The following TMEM106C variants were observed in gnomAD, a reference collection of about 807,000 sequenced individuals.
TMEM106C encodes transmembrane protein 106C, also known as endoplasmic reticulum membrane protein overexpressed in cancer.
Under a neutral mutation model 30.8 loss-of-function variants are expected in TMEM106C, and 27 were observed. That is an observed-to-expected ratio of 0.88 (90% CI 0.65 to 1.21). TMEM106C has a LOEUF of 1.21. TMEM106C is among the 50% of genes most tolerant of loss of function. TMEM106C has a pLI of 0.00. For synonymous variants in TMEM106C, 123 were observed against 118.8 expected (o/e 1.04, Z -0.23); for missense variants, 288 against 307.8 (o/e 0.94, Z 0.48).
chr12:47,964,457 C>T (rs767190498), intron 2 of TMEM106C, 34 bp downstream of exon 2: 9 of 1,605,028 alleles, frequency 5.6e-6, no homozygotes, highest in South Asian at 3.3e-5. Context: ...TGATGAGAAT[C>T]CCAAGGTACC....
chr12:47,965,393 C>G (rs373850041), intron 3 of TMEM106C, 48 bp downstream of exon 3: 1 of 1,518,882 alleles, frequency 6.6e-7, no homozygotes, highest in Admixed American at 1.7e-5. Flanking sequence ...TGTCCCTAAT[C>G]TCTTTCTGTA....
At position 47,968,786 on chromosome 12, in the gene TMEM106C, C is replaced by T. The variant is rs960940564; in HGVS notation, c.*557C>T. The T allele has an allele frequency of 2.4e-5, 4 of 164,558 alleles. No homozygotes were observed. The highest frequency in any genetic ancestry group is 5.3e-5 in the Non-Finnish European group (4 of 76,062). The allele number at this position is 164,558 out of a possible 1,614,324, so 10.2% of individuals were successfully genotyped here. The stretch of plus-strand genomic sequence containing the variant: ...TTTAGAAAGTTAGAATTGTTTTTAC[C>T]AAGAGTCTATGTGGGGCTTGATTCA... On this transcript the variant is annotated 3_prime_UTR_variant, in exon 8 of 8. Transcript: ENST00000429772.
At position 47,968,765 on chromosome 12, in the gene TMEM106C, G is replaced by A. The variant is rs530939960; in HGVS notation, c.*536G>A. 1.9e-5 allele frequency: 3 copies of A among 156,752 alleles called. No homozygotes were observed. The highest frequency in any genetic ancestry group is 6.4e-5 in the Admixed American group (1 of 15,638). 9.7% of individuals were successfully genotyped at this position (156,752 alleles called of 1,614,324 possible). ...AGTGTGTTGGCTTTTTTTTTTTTTA[G>A]AAAGTTAGAATTGTTTTTACCAAGA... On this transcript the variant is annotated 3_prime_UTR_variant, in exon 8 of 8. Coordinates refer to ENST00000429772, the MANE Select transcript of TMEM106C (RefSeq NM_001143842.2).
In TMEM106C at chr12:47,966,938, G is replaced by A. The variant is rs115533237; in HGVS notation, c.602+206G>A. 767 of 639,444 alleles carry A rather than the reference G, an allele frequency of 1.2e-3. 2 individuals carry two copies. In the African/African-American group the frequency reaches 0.013, roughly 11 times the overall value. The allele number at this position is 639,444 out of a possible 1,614,324, so 39.6% of individuals were successfully genotyped here. A position where few individuals can be genotyped will look rare whatever the true frequency, so the allele number is the denominator to read the frequency against. On this transcript the variant is annotated intron_variant, in intron 6 of 7. Transcript: ENST00000429772. ...ATGTATTATTTGATATGTGACAGAA[G>A]TGCTGGAATTTCTAAAAGAGAACAT...
intron 3 of TMEM106C, 59 bp downstream of exon 3, chr12:47,965,404 T>A: frequency 7.1e-7 from 1 of 1,414,358 alleles, no homozygotes; most frequent in Non-Finnish European, 9.9e-7. Flanking sequence ...TCTTTCTGTA[T>A]GTATGAATGC....
chr12:47,964,687 A>G, intron 2 of TMEM106C: 1 of 467,564 alleles, frequency 2.1e-6, no homozygotes, highest in South Asian at 2.3e-5. Flanking sequence ...GTGTTGTGGG[A>G]TTTGTTGACA....
Position 47,965,364 on chromosome 12 carries a change from A to G in TMEM106C, c.251+19A>G. The G allele has an allele frequency of 2.5e-6, 4 of 1,604,998 alleles. No individual in the cohort carries two copies. The highest frequency in any genetic ancestry group is 3.4e-6 in the Non-Finnish European group (4 of 1,172,130). On this transcript the variant is annotated intron_variant, in intron 3 of 7. Transcript: ENST00000429772. ...AGCGAACGTGAGTTACCTGCTTCTC[A>G]CCTGTTAATACCTACTTCTGTCCCT...
In TMEM106C at chr12:47,966,507, A is replaced by G. The variant is rs1395477947; in HGVS notation, c.553-176A>G. The stretch of plus-strand genomic sequence containing the variant: ...CAGCCTGAGGTCCATTGGCCTCTCA[A>G]AAGGGAAGAGGTTGGCAGTATCAAT... On this transcript the variant is annotated intron_variant, in intron 5 of 7. Transcript: ENST00000429772. 8 of 742,372 alleles carry G rather than the reference A, an allele frequency of 1.1e-5. No individual in the cohort carries two copies. The East Asian group carries it at 1.6e-4, about 15-fold the overall frequency. The allele number at this position is 742,372 out of a possible 1,614,324, so 46.0% of individuals were successfully genotyped here.
chr12:47,968,208 A>G lies in TMEM106C; in HGVS notation c.732A>G (p.Gly244=). The change falls in exon 8 of 8, where the codon GGA becomes GGG. Residue 244 remains glycine (G), a synonymous_variant. Transcript: ENST00000429772. The part of the protein sequence containing the change: ...SLETHHYVDC[G]GNSTAI ...AGACACATCACTATGTGGATTGTGG[A>G]GGAAATTCCACAGCTATTTAACAAC... is the stretch of plus-strand genomic sequence containing the variant. 6.2e-7 allele frequency: 1 copy of G among 1,613,734 alleles called. No individual in the cohort carries two copies. The highest frequency in any genetic ancestry group is 8.5e-7 in the Non-Finnish European group (1 of 1,179,690).
intron 7 of TMEM106C, 125 bp downstream of exon 7, chr12:47,967,386 A>G: frequency 1.1e-6 from 1 of 892,736 alleles, no homozygotes; most frequent in South Asian, 1.4e-5. Flanking sequence ...TGTGCCTCAC[A>G]GGCACAGATA....
At chr12:47,966,445 A>G (rs1938226718) in intron 5 of TMEM106C, 2 of 702,966 alleles carry the variant, frequency 2.8e-6, no homozygotes, top group Non-Finnish European at 4.6e-6. Flanking sequence ...TTTGTAAGAG[A>G]CAAAGATTTG....
rs774890548 is a variant in TMEM106C at position 47,966,137 on chromosome 12, A to C, written c.460A>C (p.Ser154Arg). 1 of 1,614,244 alleles carries C rather than the reference A, an allele frequency of 6.2e-7. No homozygotes were observed. Among genetic ancestry groups the C allele is most frequent in the Non-Finnish European group, 8.5e-7 (1 of 1,180,042 alleles). ...NSNFYTVAVT[S>R]LSSQIQYMNT... ...CAACTTCTACACGGTGGCAGTGACC[A>C]GCCTGTCCAGCCAGATTCAGTACAT... Residue 154 changes from serine to arginine, a missense_variant, in exon 5 of 8, where the codon AGC becomes CGC. By Grantham distance (110) the Ser-to-Arg change is moderately radical. Coordinates refer to ENST00000429772, the MANE Select transcript of TMEM106C (RefSeq NM_001143842.2).
At position 47,968,634 on chromosome 12, in the gene TMEM106C, C is replaced by T. The variant is rs1446504875; in HGVS notation, c.*405C>T. 3.2e-5 allele frequency: 9 copies of T among 281,474 alleles called. No homozygotes were observed. Among genetic ancestry groups the T allele is most frequent in the Non-Finnish European group, 5.6e-5 (8 of 143,734 alleles). 17.4% of individuals were successfully genotyped at this position (281,474 alleles called of 1,614,324 possible). A position where few individuals can be genotyped will look rare whatever the true frequency, so the allele number is the denominator to read the frequency against. ...TGCCTCATCTGTGCAGAAGTGGCAG[C>T]AGAGAGGGACCATCCAAATACCTAA... On this transcript the variant is annotated 3_prime_UTR_variant, in exon 8 of 8. Coordinates refer to ENST00000429772, the MANE Select transcript of TMEM106C (RefSeq NM_001143842.2).
At chr12:47,964,744 G>C in intron 2 of TMEM106C, 1 of 366,212 alleles carries the variant, frequency 2.7e-6, no homozygotes, top group Middle Eastern at 7.9e-4. Context: ...AGCTTTGCGG[G>C]GGAACCATCT....
chr12:47,964,951 A>C (rs1938171675), intron 2 of TMEM106C, among the ~76,000 whole-genome samples: 1 of 152,228 alleles, frequency 6.6e-6, no homozygotes, highest in Non-Finnish European at 1.5e-5. Context: ...TAGGACCTTC[A>C]AAATCATTTA....
chr12:47,967,364 G>A (rs1421521091), intron 7 of TMEM106C, 103 bp downstream of exon 7: 18 of 1,162,810 alleles, frequency 1.5e-5, no homozygotes, highest in Middle Eastern at 1.9e-4. Context: ...CACCTAGCCC[G>A]AGGGGACACC....
In TMEM106C at chr12:47,966,196, C is replaced by T. The variant is rs138473445; in HGVS notation, c.519C>T (p.Asn173=). 5.8e-5 allele frequency: 94 copies of T among 1,614,142 alleles called. No individual in the cohort carries two copies. The highest frequency in any genetic ancestry group is 2.7e-4 in the African/African-American group (20 of 75,054). ...TGGTCAGTACATATGTGACTACTAA[C>T]GTCTCCCTTATTCCACCTCGGAGTG... ...NTVVSTYVTT[N]VSLIPPRSEQ... Residue 173 remains asparagine, a synonymous_variant, in exon 5 of 8, where the codon AAC becomes AAT. Transcript: ENST00000429772.
chr12:47,966,673 T>C lies in TMEM106C; in HGVS notation c.553-10T>C, dbSNP rs1315235430. 23 of 1,614,094 alleles carry C rather than the reference T, an allele frequency of 1.4e-5. No homozygotes were observed. Among genetic ancestry groups the C allele is most frequent in the South Asian group, 3.3e-5 (3 of 91,094 alleles). ...TTGGCCACAGACCAACTCTGGTATC[T>C]TATTTTCAGGTGAATTTTACCGGGA... On this transcript the variant is annotated splice_polypyrimidine_tract_variant and intron_variant, in intron 5 of 7. Transcript: ENST00000429772.
chr12:47,966,030 C>G, intron 4 of TMEM106C, 33 bp downstream of exon 4: 1 of 1,614,134 alleles, frequency 6.2e-7, no homozygotes, highest in Non-Finnish European at 8.5e-7. Flanking sequence ...CTGGGTTGTG[C>G]ACCTGCCAGG....
Sources: gnomAD v4.1 joint callset for allele counts (sites outside exome capture counted in the v4.1 genomes callset) on GRCh38, gnomAD v4.1.1 for gene constraint, MANE v1.5 for transcripts, NCBI Gene and HGNC (gene_info 2026-07-23, HGNC 2026-07-21) for gene names.